The following SLC4A5 variants were observed in gnomAD, a reference collection of about 807,000 sequenced individuals.
SLC4A5 encodes electrogenic sodium bicarbonate cotransporter 4.
A neutral mutation model predicts 120.4 loss-of-function variants in SLC4A5; 96 were observed. The ratio of observed to expected loss-of-function variants is 0.80; its 90% CI spans 0.68 to 0.94. The LOEUF is 0.94. SLC4A5 is among the 40% of genes least tolerant of loss of function. SLC4A5 has a pLI of 0.00. For synonymous variants in SLC4A5, 550 were observed against 571.1 expected, an observed-to-expected ratio of 0.96 and a Z score of 0.53; for missense variants, 1,259 against 1,459.5, an observed-to-expected ratio of 0.86 and a Z score of 2.24.
chr2:74,234,220 C>T (rs1413015142), intron 22 of SLC4A5, among the ~76,000 whole-genome samples: 1 of 150,838 alleles, frequency 6.6e-6, no homozygotes, highest in East Asian at 1.9e-4. Flanking sequence ...GTTATGTTAC[C>T]CAGGCTGCAG....
chr2:74,280,982 T>C (rs373928713), intron 8 of SLC4A5, among the ~76,000 whole-genome samples: 10 of 152,326 alleles, frequency 6.6e-5, no homozygotes, highest in African/African-American at 2.2e-4. Flanking sequence ...CCACTGTGCC[T>C]GGACTATACA....
intron 30 of SLC4A5, among the ~76,000 whole-genome samples, chr2:74,220,836 CCTTT>C (rs1694616146): frequency 8.0e-6 from 1 of 125,416 alleles, no homozygotes; most frequent in Non-Finnish European, 1.6e-5. Context: ...GTCAATATTT[CCTTT>C]CTTTTTTTTT....
chr2:74,223,395 G>T (rs1694728228), intron 28 of SLC4A5, among the ~76,000 whole-genome samples: 1 of 152,188 alleles, frequency 6.6e-6, no homozygotes, highest in Non-Finnish European at 1.5e-5. Flanking sequence ...AGGGGATGCT[G>T]CAAATACCCT....
chr2:74,235,036 G>T, intron 22 of SLC4A5, 65 bp downstream of exon 22: 1 of 1,286,602 alleles, frequency 7.8e-7, no homozygotes, highest in Non-Finnish European at 1.1e-6. Context: ...TCAGCACAGA[G>T]GGGAAAGAAT....
intron 6 of SLC4A5, among the ~76,000 whole-genome samples, chr2:74,310,573 C>T (rs2109355): frequency 0.36 from 54,605 of 151,970 alleles, 16,825 homozygotes; most frequent in East Asian, 0.83. Flanking sequence ...TGATTTTTCT[C>T]CTTTGGCCTA....
chr2:74,257,836 A>C (rs937730127), intron 12 of SLC4A5, among the ~76,000 whole-genome samples: 1 of 152,074 alleles, frequency 6.6e-6, no homozygotes. Context: ...AGCCTCCCAA[A>C]CTGCTGGAAT....
chr2:74,300,696 A>G (rs931208640), intron 7 of SLC4A5, among the ~76,000 whole-genome samples: 3 of 151,982 alleles, frequency 2.0e-5, no homozygotes, highest in Non-Finnish European at 4.4e-5. Context: ...CGCACCTCCC[A>G]CCAATTTATG....
At chr2:74,328,230 C>G (rs1474081346) in intron 4 of SLC4A5, 44 bp from the exon 5 acceptor site, 4 of 979,426 alleles carry the variant, frequency 4.1e-6, no homozygotes, top group African/African-American at 1.7e-5. Context: ...CCAGGCTGAA[C>G]AGTATTTGGG....
chr2:74,218,238 AGTTT>A (rs949184094), exon 31 of SLC4A5: 8 of 152,248 alleles, frequency 5.3e-5, no homozygotes, highest in African/African-American at 9.6e-5. Flanking sequence ...GTATATTACA[AGTTT>A]GTTTGAGAAC....
At chr2:74,311,707 G>C (rs953237660) in intron 6 of SLC4A5, among the ~76,000 whole-genome samples, 1 of 151,812 alleles carries the variant, frequency 6.6e-6, no homozygotes, top group Non-Finnish European at 1.5e-5. Context: ...GTTCAGGTGT[G>C]TTTTATGTCC....
chr2:74,291,716 C>T (rs1000165986), intron 7 of SLC4A5, among the ~76,000 whole-genome samples: 2 of 152,176 alleles, frequency 1.3e-5, no homozygotes, highest in Non-Finnish European at 2.9e-5. Context: ...ACAATCCTTC[C>T]GCCTCAGCCT....
At chr2:74,226,859 A>G (rs7565640) in intron 27 of SLC4A5, 98 bp downstream of exon 27, 72,814 of 1,402,898 alleles carry the variant, frequency 0.052, 5,318 homozygotes, top group African/African-American at 0.33. Flanking sequence ...CACAGCTGAC[A>G]GGAAGGCAGA....
At chr2:74,334,774 C>G (rs1004549538) in intron 3 of SLC4A5, among the ~76,000 whole-genome samples, 1 of 151,680 alleles carries the variant, frequency 6.6e-6, no homozygotes, top group Non-Finnish European at 1.5e-5. Flanking sequence ...AAAAAAAATG[C>G]GAATAATAAT....
At chr2:74,328,294 G>C (rs191051868) in intron 4 of SLC4A5, 108 bp from the exon 5 acceptor site, 25 of 580,258 alleles carry the variant, frequency 4.3e-5, no homozygotes, top group South Asian at 3.0e-4. Context: ...TGACCAAGGT[G>C]GGGGGAGGGA....
chr2:74,311,519 A>G (rs1361779243), intron 6 of SLC4A5, among the ~76,000 whole-genome samples: 1 of 152,208 alleles, frequency 6.6e-6, no homozygotes, highest in Non-Finnish European at 1.5e-5. Context: ...TTTAGTCCAA[A>G]ATATTTTTAA....
intron 7 of SLC4A5, 136 bp from the exon 8 acceptor site, chr2:74,286,038 G>C (rs1671971768): frequency 2.0e-6 from 2 of 978,178 alleles, no homozygotes; most frequent in South Asian, 1.9e-5. Flanking sequence ...CCAGCTCCTG[G>C]GTGATGCTGG....
chr2:74,265,901 CTGGGTG>C (rs1346186563), intron 8 of SLC4A5, among the ~76,000 whole-genome samples: 1 of 152,016 alleles, frequency 6.6e-6, no homozygotes, highest in African/African-American at 2.4e-5. Context: ...GAATCATGGG[CTGGGTG>C]TTCAAGTAGA....
In SLC4A5 at chr2:74,255,747, CGT is replaced by C. The variant is rs1670943955; in HGVS notation, c.1025+26_1025+27del. 6.2e-7 allele frequency: 1 copy of C among 1,612,140 alleles called. No homozygotes were observed. Among genetic ancestry groups the C allele is most frequent in the Non-Finnish European group, 8.5e-7 (1 of 1,178,672 alleles). On this transcript the variant is annotated intron_variant, in intron 13 of 30. Coordinates refer to ENST00000394019, the Ensembl canonical transcript of SLC4A5. This position sits in a 1 kb window ranked among gnomAD's most constrained non-coding sequence, Gnocchi z 4.0. ...CTGCTGACTGGCTACCTGAGAGTGG[CGT>C]GGGGACAGGTTTCAATGGCTCTCAC...
chr2:74,304,011 G>C (rs1415774060), intron 7 of SLC4A5, among the ~76,000 whole-genome samples: 1 of 151,696 alleles, frequency 6.6e-6, no homozygotes, highest in East Asian at 1.9e-4. Flanking sequence ...CACTACGCCC[G>C]GCTAATTTTT....
Sources: allele counts gnomAD v4.1 joint callset (sites outside exome capture counted in the v4.1 genomes callset), GRCh38; gene constraint gnomAD v4.1.1; non-coding constraint Gnocchi (gnomAD v3.1); transcripts MANE v1.5; gene names NCBI Gene and HGNC (gene_info 2026-07-23, HGNC 2026-07-21).